Variants in ACTL8 observed in about 807,000 individuals in gnomAD.
ACTL8 encodes actin like 8, also known as actin-like protein 8.
A neutral mutation model predicts 9.3 loss-of-function variants in ACTL8; 3 were observed. The observed-to-expected ratio is 0.32, with a 90% CI of 0.15 to 0.83. ACTL8 has a LOEUF of 0.83. Ranked by LOEUF, ACTL8 falls within the 40% of genes least tolerant of loss-of-function variation. ACTL8 has a pLI of 0.57. For synonymous variants in ACTL8, 224 were observed against 205.9 expected (o/e 1.09, Z -0.75); for missense variants, 381 against 492.2 (o/e 0.77, Z 2.14).
chr1:17,787,837 C>G (rs1206813487), intron 1 of ACTL8, among the ~76,000 whole-genome samples: 3 of 152,148 alleles, frequency 2.0e-5, no homozygotes, highest in African/African-American at 7.2e-5. Flanking sequence ...GCTGGATTTC[C>G]CCAGAGGCTG....
intron 1 of ACTL8, among the ~76,000 whole-genome samples, chr1:17,813,094 G>A (rs2066404075): frequency 6.6e-6 from 1 of 152,102 alleles, no homozygotes; most frequent in South Asian, 2.1e-4. Context: ...TGCAAATAGG[G>A]ATAGTTTTAT....
chr1:17,795,805 G>T (rs983989163), intron 1 of ACTL8, among the ~76,000 whole-genome samples: 2 of 152,178 alleles, frequency 1.3e-5, no homozygotes, highest in African/African-American at 2.4e-5. Context: ...CCCCGAGTTC[G>T]AGGTGGTGAG....
At chr1:17,807,264 G>A (rs1230292701) in intron 1 of ACTL8, among the ~76,000 whole-genome samples, 2 of 152,174 alleles carry the variant, frequency 1.3e-5, no homozygotes, top group African/African-American at 2.4e-5. Context: ...CCATGGATTA[G>A]GGCATCAGAA....
At chr1:17,783,348 T>G (rs1244934165) in intron 1 of ACTL8, among the ~76,000 whole-genome samples, 16 of 126,218 alleles carry the variant, frequency 1.3e-4, no homozygotes, top group African/African-American at 4.4e-4. Flanking sequence ...TTTTTTTTTG[T>G]TTTGTTTTTT....
rs188590440 is a variant in ACTL8, at chr1:17,767,542, C to G, written c.-25+12038C>G. Among the ~76,000 whole-genome samples the G allele has an allele frequency of 1.3e-5, 2 of 152,278 alleles. No homozygotes were observed. Among genetic ancestry groups the G allele is most frequent in the East Asian group, 3.9e-4 (2 of 5,176 alleles). The stretch of plus-strand genomic sequence containing the variant: ...GGTTGAGTTTGGCCTTGTCTAAGCC[C>G]GTGGCTGGGTGCATGGCTCCCGGGC... On this transcript the variant is annotated intron_variant, in intron 1 of 2. Transcript: ENST00000375406. The surrounding 1 kb of genome is among the most constrained non-coding windows in gnomAD (Gnocchi z 4.7).
At chr1:17,798,102 G>T (rs1336236762) in intron 1 of ACTL8, among the ~76,000 whole-genome samples, 1 of 152,170 alleles carries the variant, frequency 6.6e-6, no homozygotes, top group Non-Finnish European at 1.5e-5. Context: ...TCTCTCCTAG[G>T]ATCTCAAGGA....
At position 17,755,395 on chromosome 1, in the gene ACTL8, A is replaced by C. The variant is rs1016643927; in HGVS notation, c.-134A>C. The C allele has an allele frequency of 6.6e-6, 1 of 152,154 alleles. No homozygotes were observed. The highest frequency in any genetic ancestry group is 2.4e-5 in the African/African-American group (1 of 41,430). 9.4% of individuals were successfully genotyped at this position (152,154 alleles called of 1,614,324 possible). A position where few individuals can be genotyped will look rare whatever the true frequency, so the allele number is the denominator to read the frequency against. On this transcript the variant is annotated 5_prime_UTR_variant, in exon 1 of 3. Coordinates refer to ENST00000375406, the MANE Select transcript of ACTL8 (RefSeq NM_030812.3). ...TGCAGGCGTTTGCAGTGTGCAGCTGAGTTCGGCAGCTCACACAGCACCCCT... is the reference window on the plus strand; with the variant it reads ...TGCAGGCGTTTGCAGTGTGCAGCTGCGTTCGGCAGCTCACACAGCACCCCT...
chr1:17,782,305 G>T (rs1382360726), intron 1 of ACTL8, among the ~76,000 whole-genome samples: 1 of 152,162 alleles, frequency 6.6e-6, no homozygotes, highest in Non-Finnish European at 1.5e-5. Flanking sequence ...TTCGCTTCTG[G>T]CATTGAGGAT....
chr1:17,761,679 T>C (rs1207995168), intron 1 of ACTL8, among the ~76,000 whole-genome samples: 1 of 152,044 alleles, frequency 6.6e-6, no homozygotes, highest in Non-Finnish European at 1.5e-5. Flanking sequence ...CAAGTGATTC[T>C]CCTGCCTCAG....
chr1:17,819,986 G>A (rs75021544), intron 1 of ACTL8, among the ~76,000 whole-genome samples: 3,791 of 151,884 alleles, frequency 0.025, 180 homozygotes, highest in African/African-American at 0.088. Flanking sequence ...TCCAGCCTGC[G>A]CAAGAGCGAG....
intron 1 of ACTL8, among the ~76,000 whole-genome samples, chr1:17,816,404 A>G (rs945067355): frequency 6.6e-6 from 1 of 151,984 alleles, no homozygotes; most frequent in African/African-American, 2.4e-5. Context: ...GGGTTTTACC[A>G]TGTTGCCCAG....
chr1:17,757,195 A>T (rs2065973157), intron 1 of ACTL8, among the ~76,000 whole-genome samples: 1 of 152,188 alleles, frequency 6.6e-6, no homozygotes, highest in Non-Finnish European at 1.5e-5. Flanking sequence ...TGACAAGCCC[A>T]GGTCCATTAA....
At chr1:17,785,722 T>C (rs992382589) in intron 1 of ACTL8, among the ~76,000 whole-genome samples, 3 of 152,254 alleles carry the variant, frequency 2.0e-5, no homozygotes, top group Non-Finnish European at 4.4e-5. Flanking sequence ...GTATCTTTTT[T>C]TCACTCCACT....
intron 1 of ACTL8, among the ~76,000 whole-genome samples, chr1:17,757,565 C>T (rs952926284): frequency 5.0e-5 from 7 of 139,076 alleles, no homozygotes; most frequent in African/African-American, 1.9e-4. Context: ...GTTAAGAAAC[C>T]CTGTGATAAT....
chr1:17,775,923 A>G (rs528873599), intron 1 of ACTL8, among the ~76,000 whole-genome samples: 1 of 152,264 alleles, frequency 6.6e-6, no homozygotes, highest in East Asian at 1.9e-4. Flanking sequence ...GGGACAGTAT[A>G]AGGAAGCATC....
At chr1:17,822,696 T>C (rs1378622092) in intron 1 of ACTL8, among the ~76,000 whole-genome samples, 1 of 152,054 alleles carries the variant, frequency 6.6e-6, no homozygotes, top group Non-Finnish European at 1.5e-5. Flanking sequence ...GCAGAAGTGC[T>C]CACCTAGCAG....
chr1:17,756,996 G>A (rs1407858092), intron 1 of ACTL8, among the ~76,000 whole-genome samples: 1 of 152,156 alleles, frequency 6.6e-6, no homozygotes, highest in Non-Finnish European at 1.5e-5. Context: ...CAGGCATGGT[G>A]GCTCAGGCCT....
chr1:17,822,030 G>T (rs907565721), intron 1 of ACTL8, among the ~76,000 whole-genome samples: 1 of 152,148 alleles, frequency 6.6e-6, no homozygotes, highest in African/African-American at 2.4e-5. Flanking sequence ...CAGCAGGGGG[G>T]CTGCTGTTCT....
chr1:17,813,022 ATTAG>A (rs1203265264), intron 1 of ACTL8, among the ~76,000 whole-genome samples: 4 of 152,296 alleles, frequency 2.6e-5, no homozygotes, highest in Admixed American at 6.5e-5. Flanking sequence ...AAATTCACTT[ATTAG>A]TTCTAGGATC....
Sources: allele counts gnomAD v4.1 joint callset (sites outside exome capture counted in the v4.1 genomes callset), GRCh38; gene constraint gnomAD v4.1.1; non-coding constraint Gnocchi (gnomAD v3.1); transcripts MANE v1.5; gene names NCBI Gene and HGNC (gene_info 2026-07-23, HGNC 2026-07-21).